The following NRAP variants were observed in gnomAD, a reference collection of about 807,000 sequenced individuals.
The protein encoded by NRAP is nebulin-related-anchoring protein.
NRAP carries 189 observed loss-of-function variants against 225.9 expected under a neutral mutation model. The ratio of observed to expected loss-of-function variants is 0.84; its 90% CI spans 0.74 to 0.94. The LOEUF (loss-of-function observed/expected upper bound fraction) is 0.94. Ranked by LOEUF, NRAP falls within the 40% of genes least tolerant of loss-of-function variation. The probability of loss-of-function intolerance (pLI) is 0.00; values close to 1 mark genes in which losing one functional copy is unlikely to be tolerated. For missense variants in NRAP, 2,176 were observed against 2,168.7 expected (o/e 1.00, Z -0.07); for synonymous variants, 769 against 790.7 (o/e 0.97, Z 0.46).
rs1846386626 is a variant in NRAP, at chr10:113,598,037, T to A, written c.4264A>T (p.Ile1422Leu). The change falls in exon 36 of 42, where the codon ATA becomes TTA. Residue 1422 changes from isoleucine to leucine, a missense_variant. Ile to Leu is a conservative substitution (Grantham distance 5, BLOSUM62 2). Transcript: ENST00000359988. ...YKSDLIGMKGIGWLALRSPQM... is the reference protein window; with the variant it reads ...YKSDLIGMKGLGWLALRSPQM... ...GGGGATCTCAGCGCCAGCCATCCTATGCCCTTCATGCCGATCAGGTCTGAC... is the reference window on the plus strand; with the variant it reads ...GGGGATCTCAGCGCCAGCCATCCTAAGCCCTTCATGCCGATCAGGTCTGAC... 6.2e-7 allele frequency: 1 copy of A among 1,613,834 alleles called. No individual in the cohort carries two copies. The highest frequency in any genetic ancestry group is 8.5e-7 in the Non-Finnish European group (1 of 1,179,976).
intron 14 of NRAP, among the ~76,000 whole-genome samples, chr10:113,639,746 T>C (rs1849090052): frequency 1.3e-5 from 2 of 152,236 alleles, no homozygotes; most frequent in Admixed American, 1.3e-4. Flanking sequence ...AAATCGCTGC[T>C]GTAATAATTA....
At chr10:113,652,642 A>T (rs1198035781) in intron 6 of NRAP, among the ~76,000 whole-genome samples, 3 of 151,918 alleles carry the variant, frequency 2.0e-5, no homozygotes, top group African/African-American at 7.2e-5. Flanking sequence ...AAATAAAATA[A>T]AAATAAAAAT....
At chr10:113,616,151 G>A (rs575079655) in intron 26 of NRAP, among the ~76,000 whole-genome samples, 2 of 152,242 alleles carry the variant, frequency 1.3e-5, no homozygotes, top group South Asian at 4.2e-4. Context: ...CTATGAGATG[G>A]CATCAAGATA....
intron 38 of NRAP, among the ~76,000 whole-genome samples, chr10:113,593,104 C>A (rs961567134): frequency 2.0e-5 from 3 of 152,042 alleles, no homozygotes; most frequent in Admixed American, 1.3e-4. Context: ...ATCTGGAGAT[C>A]CCAGTGGAGG....
intron 35 of NRAP, among the ~76,000 whole-genome samples, chr10:113,601,039 C>T (rs1420145520): frequency 6.6e-6 from 1 of 152,222 alleles, no homozygotes; most frequent in African/African-American, 2.4e-5. Flanking sequence ...GGACTCCCAG[C>T]AGCCTGGTCT....
intron 14 of NRAP, among the ~76,000 whole-genome samples, chr10:113,634,449 A>G (rs570248328): frequency 1.3e-5 from 2 of 152,338 alleles, no homozygotes; most frequent in East Asian, 1.9e-4. Context: ...CAGTGAACAT[A>G]CAGAAAGATG....
At chr10:113,611,260 G>C (rs12260033) in intron 30 of NRAP, among the ~76,000 whole-genome samples, 2 of 152,020 alleles carry the variant, frequency 1.3e-5, no homozygotes, top group Non-Finnish European at 2.9e-5. Flanking sequence ...TCAGGTTCCT[G>C]ACAGTTTATG....
intron 31 of NRAP, 56 bp from the exon 32 acceptor site, chr10:113,608,568 A>C: frequency 2.7e-6 from 3 of 1,115,664 alleles, no homozygotes; most frequent in Non-Finnish European, 1.3e-6. Context: ...AAAAACCAGA[A>C]GCAGAACCAG....
At position 113,605,754 on chromosome 10, in the gene NRAP, C is replaced by T. The variant is rs776692717; in HGVS notation, c.3915+8G>A. 10 of 1,566,030 alleles carry T rather than the reference C, an allele frequency of 6.4e-6. No homozygotes were observed. The South Asian group carries it at 1.0e-4, about 16-fold the overall frequency. ...AGGCAAGATGGAAGGTCATATCATT[C>T]AACTCACATCACTGGCTATATCTCC... is the stretch of plus-strand genomic sequence containing the variant. On this transcript the variant is annotated splice_region_variant and intron_variant, in intron 34 of 41. Transcript: ENST00000359988.
At chr10:113,649,588 T>A (rs908658317) in intron 9 of NRAP, among the ~76,000 whole-genome samples, 3 of 152,226 alleles carry the variant, frequency 2.0e-5, no homozygotes, top group Non-Finnish European at 4.4e-5. Context: ...TCTGGCATAC[T>A]GATTTATCTA....
chr10:113,629,854 T>C (rs1848486109), intron 18 of NRAP, 69 bp from the exon 19 acceptor site: 2 of 1,110,928 alleles, frequency 1.8e-6, no homozygotes, highest in East Asian at 2.4e-5. Flanking sequence ...GATGTGAAAA[T>C]GCAGGAAAGA....
rs754753940 is a variant in NRAP at position 113,652,997 on chromosome 10, A to G, written c.508T>C (p.Phe170Leu). ...DYEQPRGKGSFPAMITPAYQR... is the reference protein window; with the variant it reads ...DYEQPRGKGSLPAMITPAYQR... The stretch of plus-strand genomic sequence containing the variant: ...TAAGCAGGTGTGATCATGGCTGGAA[A>G]GCTCCCCTTGCCCCTGGGTTGCTCA... The change falls in exon 6 of 42, where the codon TTT (phenylalanine) becomes CTT (leucine). Residue 170 changes from phenylalanine to leucine, a missense_variant. Phe to Leu is a conservative substitution (Grantham distance 22). Transcript: ENST00000359988. 5.0e-6 allele frequency: 8 copies of G among 1,612,878 alleles called. No individual in the cohort carries two copies. Among genetic ancestry groups the G allele is most frequent in the Non-Finnish European group, 6.8e-6 (8 of 1,179,680 alleles).
chr10:113,603,989 T>C (rs1846768572), intron 35 of NRAP, among the ~76,000 whole-genome samples: 1 of 152,324 alleles, frequency 6.6e-6, no homozygotes, highest in Non-Finnish European at 1.5e-5. Flanking sequence ...ATATTTCATG[T>C]ATTCACCATG....
At chr10:113,618,660 G>A (rs759744383) in intron 25 of NRAP, among the ~76,000 whole-genome samples, 3 of 152,222 alleles carry the variant, frequency 2.0e-5, no homozygotes, top group Non-Finnish European at 4.4e-5. Flanking sequence ...TAAGAAGGTG[G>A]CCCAGGCCGA....
At chr10:113,653,158 C>A in intron 5 of NRAP, 119 bp from the exon 6 acceptor site, 1 of 603,968 alleles carries the variant, frequency 1.7e-6, no homozygotes, top group Admixed American at 3.4e-5. Context: ...ATTTCAATCA[C>A]CTGTAATAAA....
chr10:113,633,982 C>T lies in NRAP; in HGVS notation c.1527+130G>A. The T allele has an allele frequency of 4.4e-6, 3 of 679,956 alleles. No individual in the cohort carries two copies. In the Admixed American group the frequency reaches 7.0e-5, roughly 16 times the overall value. The allele number at this position is 679,956 out of a possible 1,614,324, so 42.1% of individuals were successfully genotyped here. ...TAAAAAGTTTAAAAGAAGTGGGGGTCATTTTCTGGCTGTAATAAGACATGT... is the reference window on the plus strand; with the variant it reads ...TAAAAAGTTTAAAAGAAGTGGGGGTTATTTTCTGGCTGTAATAAGACATGT... On this transcript the variant is annotated intron_variant, in intron 15 of 41. Transcript: ENST00000359988.
In NRAP at chr10:113,650,043, AT is replaced by A. The variant is rs1311109740; in HGVS notation, c.881del (p.Tyr294LeufsTer21). 10 of 1,575,268 alleles carry A rather than the reference AT, an allele frequency of 6.3e-6. No individual in the cohort carries two copies. Among genetic ancestry groups the A allele is most frequent in the Non-Finnish European group, 7.0e-6 (8 of 1,144,734 alleles). On this transcript the variant is annotated frameshift_variant, in exon 9 of 42. Coordinates refer to ENST00000359988, the MANE Select transcript of NRAP (RefSeq NM_198060.4). LOFTEE classifies it high-confidence loss of function. Reference sequence around the variant, plus strand: ...AGATCATTTTATCACATACCTGGCCATATTGGTCTGCACATTCCCTTGTCAA... The same window carrying A: ...AGATCATTTTATCACATACCTGGCCAATTGGTCTGCACATTCCCTTGTCAA... ...GILTRECADQ[Y>X]GQGYPEEYEE...
Position 113,590,620 on chromosome 10 carries a change from C to G in NRAP, c.4914G>C (p.Leu1638=). 1 of 1,613,708 alleles carries G rather than the reference C, an allele frequency of 6.2e-7. No homozygotes were observed. The highest frequency in any genetic ancestry group is 8.5e-7 in the Non-Finnish European group (1 of 1,179,972). The change falls in exon 40 of 42, where the codon CTG becomes CTC. Residue 1638 remains leucine (L), a synonymous_variant. Transcript: ENST00000359988. ...GGGCCTTCTGAGCATGCCTGAGGCC[C>G]AGCTGCTCCGGGTCGCAGGTGGGCT... ...LPQPTCDPEQ[L]GLRHAQKAHQ... is the part of the protein sequence containing the mutation.
Position 113,634,226 on chromosome 10 carries a change from C to A in NRAP, c.1429-16G>T. 6.5e-7 allele frequency: 1 copy of A among 1,545,198 alleles called. No homozygotes were observed. The highest frequency in any genetic ancestry group is 8.9e-7 in the Non-Finnish European group (1 of 1,117,776). ...TATAATTGGCCTAGGTAAAAACAGGCACAAAAAGATGTCATTTGCTCTTTT... is the reference window on the plus strand; with the variant it reads ...TATAATTGGCCTAGGTAAAAACAGGAACAAAAAGATGTCATTTGCTCTTTT... On this transcript the variant is annotated splice_polypyrimidine_tract_variant and intron_variant, in intron 14 of 41. Transcript: ENST00000359988.
Sources: gnomAD v4.1 joint callset for allele counts (sites outside exome capture counted in the v4.1 genomes callset) on GRCh38, gnomAD v4.1.1 for gene constraint, MANE v1.5 for transcripts, NCBI Gene and HGNC (gene_info 2026-07-23, HGNC 2026-07-21) for gene names.